SLC1A2: variants seen among roughly 807,000 people sequenced by gnomAD.
SLC1A2 encodes excitatory amino acid transporter 2.
A neutral mutation model predicts 48.8 loss-of-function variants in SLC1A2; 15 were observed. The observed-to-expected ratio is 0.31, with a 90% CI of 0.21 to 0.47. SLC1A2 has a LOEUF of 0.47. Among genes scored for constraint, SLC1A2 ranks in the 20% least tolerant of loss-of-function variants. The probability of loss-of-function intolerance (pLI) is 0.99; values close to 1 mark genes in which losing one functional copy is unlikely to be tolerated. For synonymous variants in SLC1A2, 279 were observed against 272.6 expected, an observed-to-expected ratio of 1.02 and a Z score of -0.23; for missense variants, 502 against 730.5, an observed-to-expected ratio of 0.69 and a Z score of 3.61.
chr11:35,289,361 C>T (rs1260476399), intron 7 of SLC1A2, among the ~76,000 whole-genome samples: 1 of 151,858 alleles, frequency 6.6e-6, no homozygotes, highest in Non-Finnish European at 1.5e-5. Context: ...ATTCTCGGTA[C>T]ATGACTCACG....
chr11:35,285,397 G>C (rs1325555273), intron 8 of SLC1A2: 1 of 152,238 alleles, frequency 6.6e-6, no homozygotes, highest in African/African-American at 2.4e-5. Flanking sequence ...AGGAACCAAA[G>C]AGTGGAGTGA....
At chr11:35,305,681 G>A (rs184753162) in intron 5 of SLC1A2, among the ~76,000 whole-genome samples, 108 of 152,320 alleles carry the variant, frequency 7.1e-4, no homozygotes, top group African/African-American at 2.2e-3. Flanking sequence ...TCCAGCCCCC[G>A]CACCTAGCAC....
rs907954994 is a variant in SLC1A2, at chr11:35,418,982, C to G, written c.-16G>C. The G allele has an allele frequency of 2.6e-6, 4 of 1,564,360 alleles. No homozygotes were observed. The highest frequency in any genetic ancestry group is 3.3e-4 in the Middle Eastern group (2 of 5,994). On this transcript the variant is annotated 5_prime_UTR_variant, in exon 1 of 11. Transcript: ENST00000278379. ...TAGATGCCATGGTCTGGGGAACGCC[C>G]CCTCCTCTTCAGCACTATCCGGCAG...
At chr11:35,346,966 G>T (rs1201427082) in intron 1 of SLC1A2, among the ~76,000 whole-genome samples, 2 of 152,212 alleles carry the variant, frequency 1.3e-5, no homozygotes, top group East Asian at 3.9e-4. Context: ...AAGATAAATA[G>T]GGTCAGATGG....
At chr11:35,263,302 C>A (rs1255370797) in intron 10 of SLC1A2, among the ~76,000 whole-genome samples, 1 of 152,088 alleles carries the variant, frequency 6.6e-6, no homozygotes, top group Non-Finnish European at 1.5e-5. Context: ...CCCATCTCTA[C>A]TAAAAATACA....
intron 1 of SLC1A2, among the ~76,000 whole-genome samples, chr11:35,403,749 T>A (rs1402746814): frequency 1.3e-5 from 2 of 151,854 alleles, no homozygotes; most frequent in African/African-American, 4.8e-5. Context: ...AGTGAGCTCT[T>A]CGGCTGCATG....
At chr11:35,331,655 G>C (rs1181087839) in intron 1 of SLC1A2, among the ~76,000 whole-genome samples, 1 of 152,196 alleles carries the variant, frequency 6.6e-6, no homozygotes, top group Non-Finnish European at 1.5e-5. Flanking sequence ...ACATCCTCTT[G>C]CACGATCCAT....
At chr11:35,340,616 G>A (rs781155716) in intron 1 of SLC1A2, among the ~76,000 whole-genome samples, 14 of 152,176 alleles carry the variant, frequency 9.2e-5, no homozygotes, top group Admixed American at 6.5e-5. Context: ...CCATACAAAG[G>A]AAAAAGATTG....
chr11:35,367,560 A>G (rs1353448174), intron 1 of SLC1A2, among the ~76,000 whole-genome samples: 2 of 152,206 alleles, frequency 1.3e-5, no homozygotes, highest in Non-Finnish European at 2.9e-5. Context: ...ATGTCAGAAG[A>G]CTGTTTCATC....
chr11:35,297,401 C>G (rs1186331239), intron 6 of SLC1A2, among the ~76,000 whole-genome samples: 2 of 152,168 alleles, frequency 1.3e-5, no homozygotes, highest in Non-Finnish European at 2.9e-5. Flanking sequence ...AGCCCAATCT[C>G]TCTCCCCCAC....
Position 35,255,132 on chromosome 11 carries a change from T to C in SLC1A2, c.*5762A>G, listed in dbSNP as rs113357134. 418 of 260,776 alleles carry C rather than the reference T, an allele frequency of 1.6e-3. 1 individual carries two copies. The highest frequency in any genetic ancestry group is 8.6e-3 in the African/African-American group (376 of 43,936). The allele number at this position is 260,776 out of a possible 1,614,324, so 16.2% of individuals were successfully genotyped here. The stretch of plus-strand genomic sequence containing the variant: ...TTGCAAACCTGAAGAGCTGAAGTCT[T>C]CTCTGACAACAAAGGAGTTCACAAC... On this transcript the variant is annotated 3_prime_UTR_variant, in exon 11 of 11. Transcript: ENST00000278379.
At chr11:35,311,318 C>T (rs1281285279) in intron 4 of SLC1A2, among the ~76,000 whole-genome samples, 2 of 152,144 alleles carry the variant, frequency 1.3e-5, no homozygotes, top group Non-Finnish European at 2.9e-5. Flanking sequence ...CGCCACCACA[C>T]CCGGCTAATT....
intron 1 of SLC1A2, among the ~76,000 whole-genome samples, chr11:35,403,703 G>A (rs937092924): frequency 3.9e-5 from 6 of 152,024 alleles, no homozygotes. Flanking sequence ...TGTCTTGAAG[G>A]AGAAACCAGA....
chr11:35,273,244 C>T (rs1850334040), intron 9 of SLC1A2, among the ~76,000 whole-genome samples: 1 of 152,118 alleles, frequency 6.6e-6, no homozygotes, highest in Admixed American at 6.5e-5. Context: ...ACTTGAGGCC[C>T]CAAACCCGAG....
At chr11:35,267,856 T>C (rs1293407062) in intron 9 of SLC1A2, among the ~76,000 whole-genome samples, 1 of 152,130 alleles carries the variant, frequency 6.6e-6, no homozygotes, top group Non-Finnish European at 1.5e-5. Context: ...TAGTTAAATA[T>C]CTCCACAGGT....
At chr11:35,357,483 A>T (rs1051554840) in intron 1 of SLC1A2, among the ~76,000 whole-genome samples, 2 of 152,210 alleles carry the variant, frequency 1.3e-5, no homozygotes, top group African/African-American at 4.8e-5. Context: ...GAACCTCGTA[A>T]CTTCATTTTG....
chr11:35,400,401 A>T (rs1328941051), intron 1 of SLC1A2, among the ~76,000 whole-genome samples: 2 of 152,206 alleles, frequency 1.3e-5, no homozygotes, highest in African/African-American at 2.4e-5. Flanking sequence ...GGTTGCAAAA[A>T]TCTGTAGGTT....
intron 4 of SLC1A2, among the ~76,000 whole-genome samples, chr11:35,311,891 A>G (rs1212541098): frequency 1.4e-5 from 1 of 68,998 alleles, no homozygotes; most frequent in Non-Finnish European, 2.6e-5. Context: ...AGAGAGAGAG[A>G]GGGAGGGAGA....
intron 8 of SLC1A2, 23 bp downstream of exon 8, chr11:35,286,734 G>A: frequency 3.2e-6 from 5 of 1,582,348 alleles, no homozygotes; most frequent in Non-Finnish European, 4.3e-6. Flanking sequence ...AGGTTGTTTT[G>A]TGTTTTACCC....
Sources: allele counts gnomAD v4.1 joint callset (sites outside exome capture counted in the v4.1 genomes callset), GRCh38; gene constraint gnomAD v4.1.1; transcripts MANE v1.5; gene names NCBI Gene and HGNC (gene_info 2026-07-23, HGNC 2026-07-21).